GIGYF2: variants seen among roughly 807,000 people sequenced by gnomAD.
GIGYF2 encodes GRB10-interacting GYF protein 2.
GIGYF2 carries 25 observed loss-of-function variants against 208.1 expected under a neutral mutation model. The ratio of observed to expected loss-of-function variants is 0.12; its 90% confidence interval spans 0.09 to 0.17. The LOEUF (loss-of-function observed/expected upper bound fraction) is 0.17. Among genes scored for constraint, GIGYF2 ranks in the 10% least tolerant of loss-of-function variants. The pLI, the probability that GIGYF2 is intolerant of heterozygous loss-of-function variation, is 1.00. For missense variants in GIGYF2, 1,302 were observed against 1,579.4 expected (o/e 0.82, Z 2.98); for synonymous variants, 534 against 543.8 (o/e 0.98, Z 0.25).
intron 2 of GIGYF2, among the ~76,000 whole-genome samples, chr2:232,717,788 T>C (rs530336168): frequency 3.6e-4 from 54 of 152,000 alleles, no homozygotes; most frequent in Non-Finnish European, 7.1e-4. Context: ...TTTTAACAAC[T>C]AGCTCTCTTG....
intron 3 of GIGYF2, 30 bp from the exon 4 acceptor site, chr2:232,747,585 T>A: frequency 6.2e-7 from 1 of 1,613,294 alleles, no homozygotes; most frequent in African/African-American, 1.3e-5. Context: ...ACCAGAATGT[T>A]TGACATATTC....
At chr2:232,824,079 T>C (rs1257508666) in intron 21 of GIGYF2, among the ~76,000 whole-genome samples, 1 of 152,220 alleles carries the variant, frequency 6.6e-6, no homozygotes, top group Non-Finnish European at 1.5e-5. Context: ...TCCATACCTA[T>C]AGTGCATGTT....
At chr2:232,747,395 T>G (rs183646684) in intron 3 of GIGYF2, among the ~76,000 whole-genome samples, 1 of 152,178 alleles carries the variant, frequency 6.6e-6, no homozygotes, top group Admixed American at 6.5e-5. Flanking sequence ...CCTTTTAAGT[T>G]AAGGAATTGC....
At chr2:232,781,285 AATACACACACACAC>A (rs1190915890) in intron 8 of GIGYF2, among the ~76,000 whole-genome samples, 1 of 64,854 alleles carries the variant, frequency 1.5e-5, no homozygotes, top group Non-Finnish European at 3.0e-5. Context: ...TTATATCAGG[AATACACACACACAC>A]ACACACACAC....
At chr2:232,742,936 A>G (rs917421218) in intron 3 of GIGYF2, among the ~76,000 whole-genome samples, 4 of 152,206 alleles carry the variant, frequency 2.6e-5, no homozygotes, top group African/African-American at 4.8e-5. Context: ...GCCTGACTAT[A>G]GGAGAGGTCA....
chr2:232,850,539 A>C, intron 28 of GIGYF2, 130 bp downstream of exon 28: 1 of 911,634 alleles, frequency 1.1e-6, no homozygotes, highest in Non-Finnish European at 1.8e-6. Flanking sequence ...CTAATGTTTT[A>C]ACTGGTTCAA....
At chr2:232,772,703 G>C (rs1022851861) in intron 8 of GIGYF2, among the ~76,000 whole-genome samples, 1 of 152,150 alleles carries the variant, frequency 6.6e-6, no homozygotes, top group South Asian at 2.1e-4. Flanking sequence ...TCTCTTGTTT[G>C]CTACAATTCA....
intron 5 of GIGYF2, among the ~76,000 whole-genome samples, chr2:232,749,818 T>C (rs534442937): frequency 1.3e-5 from 2 of 152,148 alleles, no homozygotes; most frequent in Non-Finnish European, 2.9e-5. Context: ...TCAAATACTC[T>C]ATGAAATATT....
chr2:232,852,826 G>C (rs1690409933), intron 28 of GIGYF2, among the ~76,000 whole-genome samples: 1 of 152,168 alleles, frequency 6.6e-6, no homozygotes, highest in Non-Finnish European at 1.5e-5. Flanking sequence ...TTAGGGAAAA[G>C]GTTGCTCTGA....
At chr2:232,821,529 A>T (rs1309181097) in intron 21 of GIGYF2, among the ~76,000 whole-genome samples, 1 of 152,050 alleles carries the variant, frequency 6.6e-6, no homozygotes, top group Non-Finnish European at 1.5e-5. Flanking sequence ...TTTTTTTCTT[A>T]CAAGTTGTAT....
In GIGYF2 at chr2:232,702,201, G is replaced by A. The variant is rs188585896; in HGVS notation, c.-109-1223G>A. ...TGCCTGTAATCCCAGCACTCTGGGA[G>A]GCTGAGGTGGGTGGATCACTTGAAG... On this transcript the variant is annotated intron_variant, in intron 1 of 28. Transcript: ENST00000373563. 3.3e-5 allele frequency among the ~76,000 whole-genome samples: 5 copies of A among 152,246 alleles called. No individual in the cohort carries two copies. In the East Asian group the frequency reaches 9.7e-4, roughly 29 times the overall value.
intron 8 of GIGYF2, among the ~76,000 whole-genome samples, chr2:232,786,694 T>A (rs1356578007): frequency 2.0e-5 from 3 of 152,220 alleles, no homozygotes; most frequent in Non-Finnish European, 2.9e-5. Flanking sequence ...AAGGAAGGAT[T>A]GGCAAGATAC....
chr2:232,727,506 A>G (rs1199304790), intron 2 of GIGYF2, among the ~76,000 whole-genome samples: 1 of 152,232 alleles, frequency 6.6e-6, no homozygotes. Context: ...GGAAATGGGA[A>G]TAGCGGGGAG....
chr2:232,713,796 G>A (rs1222316548), intron 2 of GIGYF2, among the ~76,000 whole-genome samples: 1 of 152,162 alleles, frequency 6.6e-6, no homozygotes, highest in African/African-American at 2.4e-5. Flanking sequence ...TGGATTTTTA[G>A]AGGAAGATGA....
At position 232,740,946 on chromosome 2, in the gene GIGYF2, A is replaced by G. The variant is rs551700751; in HGVS notation, c.41+5708A>G. Among the ~76,000 whole-genome samples, 6 of 152,336 alleles carry G rather than the reference A, an allele frequency of 3.9e-5. No individual in the cohort carries two copies. In the South Asian group the frequency reaches 6.2e-4, roughly 16 times the overall value. On this transcript the variant is annotated intron_variant, in intron 3 of 28. Transcript: ENST00000373563. ...TATTTGTTCAGAAAACATTTTATCA[A>G]ATGCTTGCTGTGTTTTATGTCTTGG...
At chr2:232,852,570 A>G (rs1690395092) in intron 28 of GIGYF2, among the ~76,000 whole-genome samples, 1 of 150,138 alleles carries the variant, frequency 6.7e-6, no homozygotes, top group Non-Finnish European at 1.5e-5. Flanking sequence ...ATTTAAAATA[A>G]TAATGTTTAA....
chr2:232,814,565 A>ACCCCCC (rs35081043), intron 18 of GIGYF2, among the ~76,000 whole-genome samples: 8 of 75,966 alleles, frequency 1.1e-4, no homozygotes, highest in African/African-American at 2.8e-4. Flanking sequence ...TCCACCTCAA[A>ACCCCCC]CCCCCCCCCC....
At chr2:232,737,318 T>C (rs6738386) in intron 3 of GIGYF2, among the ~76,000 whole-genome samples, 51,215 of 152,040 alleles carry the variant, frequency 0.34, 8,924 homozygotes, top group South Asian at 0.62. Context: ...GTGTTTTGTA[T>C]AAAATTTGAA....
intron 9 of GIGYF2, among the ~76,000 whole-genome samples, chr2:232,789,793 T>G (rs1199953790): frequency 6.6e-6 from 1 of 152,168 alleles, no homozygotes; most frequent in African/African-American, 2.4e-5. Context: ...TTTAAGACTC[T>G]TTTAGACTCA....
Sources: gnomAD v4.1 joint callset for allele counts (sites outside exome capture counted in the v4.1 genomes callset) on GRCh38, gnomAD v4.1.1 for gene constraint, MANE v1.5 for transcripts, NCBI Gene and HGNC (gene_info 2026-07-23, HGNC 2026-07-21) for gene names.